Variants in RBFOX1 observed in about 807,000 individuals in gnomAD.
RBFOX1 encodes the protein RNA binding fox-1 homolog 1.
In RBFOX1, 8 loss-of-function variants were observed where a neutral mutation model predicts 57.7. The ratio of observed to expected loss-of-function variants is 0.14; its 90% CI spans 0.08 to 0.25. The LOEUF (loss-of-function observed/expected upper bound fraction) is 0.25. Ranked by LOEUF, RBFOX1 falls within the 10% of genes least tolerant of loss-of-function variation. The pLI, the probability that RBFOX1 is intolerant of heterozygous loss-of-function variation, is 1.00. For synonymous variants in RBFOX1, 326 were observed against 222.4 expected, an observed-to-expected ratio of 1.47 and a Z score of -4.15; for missense variants, 611 against 548.5, an observed-to-expected ratio of 1.11 and a Z score of -1.14.
chr16:7,478,295 C>T (rs1178610294), intron 4 of RBFOX1, among the ~76,000 whole-genome samples: 1 of 152,310 alleles, frequency 6.6e-6, no homozygotes, highest in Non-Finnish European at 1.5e-5. Flanking sequence ...GGCAGAGAGT[C>T]ACCTTGTTCA....
chr16:6,492,650 C>G (rs570739920), intron 2 of RBFOX1, among the ~76,000 whole-genome samples: 12 of 152,162 alleles, frequency 7.9e-5, no homozygotes, highest in Admixed American at 2.0e-4. Flanking sequence ...TCTGTGTGAT[C>G]GCTGAAGTTT....
At chr16:6,068,373 G>C (rs1428361725) in intron 1 of RBFOX1, among the ~76,000 whole-genome samples, 1 of 152,186 alleles carries the variant, frequency 6.6e-6, no homozygotes, top group Admixed American at 6.5e-5. Context: ...TAAAAGCTGA[G>C]AGAGCCAGTG....
chr16:7,070,242 T>G (rs942099091), intron 4 of RBFOX1, among the ~76,000 whole-genome samples: 18 of 152,180 alleles, frequency 1.2e-4, no homozygotes, highest in Admixed American at 7.2e-4. Context: ...AGGAGACTGA[T>G]GTATTTGCTG....
chr16:5,904,039 T>A (rs775508356), intron 4 of RBFOX1, among the ~76,000 whole-genome samples: 10 of 152,152 alleles, frequency 6.6e-5, no homozygotes, highest in Non-Finnish European at 1.2e-4. Context: ...GGCAGCCATG[T>A]GCGTCTGGAG....
chr16:5,367,925 C>G (rs1034958019), intron 1 of RBFOX1, among the ~76,000 whole-genome samples: 3 of 152,172 alleles, frequency 2.0e-5, no homozygotes, highest in East Asian at 1.9e-4. Context: ...AGATCCACAC[C>G]TCATGCACTT....
chr16:6,654,467 C>A (rs1399598995), intron 2 of RBFOX1, 136 bp from the exon 3 acceptor site: 1 of 667,566 alleles, frequency 1.5e-6, no homozygotes, highest in Non-Finnish European at 2.4e-6. Flanking sequence ...AGAGCAATGA[C>A]TCGAGAAAGA....
intron 1 of RBFOX1, among the ~76,000 whole-genome samples, chr16:6,201,170 T>C (rs1197714516): frequency 6.6e-6 from 1 of 152,168 alleles, no homozygotes; most frequent in Non-Finnish European, 1.5e-5. Flanking sequence ...TATTCCATTG[T>C]ATCTATGGTA....
intron 3 of RBFOX1, among the ~76,000 whole-genome samples, chr16:6,679,878 GTTTTTTTTTTTT>G (rs71145274): frequency 0.011 from 1,211 of 114,320 alleles, 12 homozygotes; most frequent in South Asian, 0.02. Flanking sequence ...GTTTCTACTT[GTTTTTTTTTTTT>G]TTTTTTTTTT....
At chr16:6,823,156 C>G (rs1295557677) in intron 3 of RBFOX1, among the ~76,000 whole-genome samples, 1 of 152,110 alleles carries the variant, frequency 6.6e-6, no homozygotes, top group Non-Finnish European at 1.5e-5. Context: ...AGGACCATCT[C>G]AGCCCCAAAG....
chr16:7,489,633 A>C (rs1408724051), intron 4 of RBFOX1, among the ~76,000 whole-genome samples: 1 of 151,968 alleles, frequency 6.6e-6, no homozygotes, highest in Admixed American at 6.6e-5. Context: ...CTCCAACGTC[A>C]GTCTCCCGAG....
At chr16:7,206,105 G>C (rs1013613170) in intron 4 of RBFOX1, among the ~76,000 whole-genome samples, 2 of 152,196 alleles carry the variant, frequency 1.3e-5, no homozygotes, top group African/African-American at 4.8e-5. Context: ...TTAGGGAAGT[G>C]CTTACCTGAT....
At chr16:5,849,916 C>G (rs767201501) in intron 3 of RBFOX1, among the ~76,000 whole-genome samples, 46 of 152,326 alleles carry the variant, frequency 3.0e-4, no homozygotes, top group Non-Finnish European at 4.9e-4. Flanking sequence ...GCTCCCTGCT[C>G]CTAACTCAAA....
At chr16:5,455,007 CTT>C (rs1212661437) in intron 1 of RBFOX1, among the ~76,000 whole-genome samples, 7 of 109,326 alleles carry the variant, frequency 6.4e-5, no homozygotes, top group African/African-American at 1.6e-4. Context: ...TTCTTTCTTT[CTT>C]TCTTTCTTTC....
At chr16:7,203,278 T>C (rs899002525) in intron 4 of RBFOX1, among the ~76,000 whole-genome samples, 1 of 152,106 alleles carries the variant, frequency 6.6e-6, no homozygotes, top group Non-Finnish European at 1.5e-5. Flanking sequence ...CTAAGTAAAA[T>C]AAGCCAGTCA....
chr16:5,283,184 G>A (rs781539415), intron 1 of RBFOX1, among the ~76,000 whole-genome samples: 2 of 152,212 alleles, frequency 1.3e-5, no homozygotes, highest in Admixed American at 6.5e-5. Context: ...GGGAACCACT[G>A]CCTAGATTTC....
intron 2 of RBFOX1, among the ~76,000 whole-genome samples, chr16:6,641,720 G>T (rs2098489953): frequency 9.3e-6 from 1 of 107,326 alleles, no homozygotes; most frequent in African/African-American, 3.6e-5. Context: ...GGGTGACAGA[G>T]CAGGACTCCG....
intron 2 of RBFOX1, among the ~76,000 whole-genome samples, chr16:5,479,717 C>T (rs1338535533): frequency 2.0e-5 from 3 of 152,048 alleles, no homozygotes; most frequent in Admixed American, 6.6e-5. Flanking sequence ...CAAGATCGCG[C>T]CATTCCAGCC....
At chr16:6,237,603 G>A (rs993913533) in intron 1 of RBFOX1, among the ~76,000 whole-genome samples, 14 of 152,180 alleles carry the variant, frequency 9.2e-5, no homozygotes, top group Non-Finnish European at 1.3e-4. Flanking sequence ...TTAGTGGGGC[G>A]TGGTGGTGAG....
intron 3 of RBFOX1, among the ~76,000 whole-genome samples, chr16:6,928,900 T>C (rs2076069292): frequency 6.6e-6 from 1 of 152,126 alleles, no homozygotes; most frequent in African/African-American, 2.4e-5. Context: ...TGGAGCCCAG[T>C]AGAGCATCAG....
Sources: gnomAD v4.1 joint callset for allele counts (sites outside exome capture counted in the v4.1 genomes callset) on GRCh38, gnomAD v4.1.1 for gene constraint, MANE v1.5 for transcripts, NCBI Gene and HGNC (gene_info 2026-07-23, HGNC 2026-07-21) for gene names.